TENM4: variants seen among roughly 807,000 people sequenced by gnomAD.
TENM4 encodes teneurin-4.
TENM4 carries 82 observed loss-of-function variants against 243.3 expected under a neutral mutation model. The ratio of observed to expected loss-of-function variants is 0.34; its 90% confidence interval spans 0.28 to 0.40. The LOEUF (loss-of-function observed/expected upper bound fraction) is 0.40. Ranked by LOEUF, TENM4 falls within the 10% of genes least tolerant of loss-of-function variation. The pLI is 1.00. For synonymous variants in TENM4, 1,412 were observed against 1,456.3 expected (o/e 0.97, Z 0.69); for missense variants, 3,138 against 3,673.3 (o/e 0.85, Z 3.77).
At chr11:78,700,153 C>A (rs1057477719) in intron 28 of TENM4, among the ~76,000 whole-genome samples, 3 of 152,174 alleles carry the variant, frequency 2.0e-5, no homozygotes, top group African/African-American at 7.2e-5. Context: ...GAAACTGATG[C>A]TTGATCAAGC....
chr11:78,793,702 T>C (rs1386040059), intron 15 of TENM4, among the ~76,000 whole-genome samples: 1 of 152,226 alleles, frequency 6.6e-6, no homozygotes, highest in Non-Finnish European at 1.5e-5. Flanking sequence ...GGAACACAAA[T>C]ATTAACTCAT....
chr11:78,763,998 G>A (rs746064621), intron 18 of TENM4, among the ~76,000 whole-genome samples: 2 of 148,058 alleles, frequency 1.4e-5, no homozygotes, highest in African/African-American at 2.6e-5. Flanking sequence ...ATGGTGGCCA[G>A]TGACTGGTGG....
At chr11:79,437,758 G>A (rs1859307024) in intron 1 of TENM4, among the ~76,000 whole-genome samples, 1 of 152,182 alleles carries the variant, frequency 6.6e-6, no homozygotes, top group African/African-American at 2.4e-5. Context: ...CTCCCCCTCT[G>A]CGGTCCCCGC....
chr11:78,725,545 T>C (rs1305551451), intron 23 of TENM4, among the ~76,000 whole-genome samples: 1 of 152,232 alleles, frequency 6.6e-6, no homozygotes, highest in Non-Finnish European at 1.5e-5. Context: ...GTTTTGTCTT[T>C]TGCTGTTCCC....
chr11:79,357,620 T>A (rs1024152592), intron 1 of TENM4, among the ~76,000 whole-genome samples: 1 of 152,254 alleles, frequency 6.6e-6, no homozygotes, highest in Non-Finnish European at 1.5e-5. Flanking sequence ...TCTCAAAGCA[T>A]GTTTAAAGGC....
At chr11:79,276,061 G>A (rs1231523503) in intron 2 of TENM4, among the ~76,000 whole-genome samples, 3 of 152,206 alleles carry the variant, frequency 2.0e-5, no homozygotes, top group African/African-American at 7.2e-5. Context: ...AAGAGACCCT[G>A]GAGGGCATCT....
intron 4 of TENM4, among the ~76,000 whole-genome samples, chr11:79,108,620 C>T (rs2137097517): frequency 6.6e-6 from 1 of 152,254 alleles, no homozygotes; most frequent in South Asian, 2.1e-4. Context: ...CCAAAATTAG[C>T]ATCACCGATG....
intron 2 of TENM4, among the ~76,000 whole-genome samples, chr11:79,244,597 T>C (rs1371797682): frequency 6.6e-6 from 1 of 152,180 alleles, no homozygotes; most frequent in Non-Finnish European, 1.5e-5. Flanking sequence ...TCAGTTATAT[T>C]ATGTTGTCGA....
intron 6 of TENM4, among the ~76,000 whole-genome samples, chr11:78,997,308 T>A (rs1422183293): frequency 2.0e-5 from 3 of 152,156 alleles, no homozygotes; most frequent in African/African-American, 7.2e-5. Flanking sequence ...CTCAGGCAAA[T>A]CCCATCAGTC....
At chr11:78,787,160 G>A (rs1856957928) in intron 15 of TENM4, 77 bp from the exon 16 acceptor site, 2 of 1,436,904 alleles carry the variant, frequency 1.4e-6, no homozygotes, top group Non-Finnish European at 1.9e-6. Flanking sequence ...GGGGAGAGAG[G>A]AGAGAGAAAA....
intron 4 of TENM4, among the ~76,000 whole-genome samples, chr11:79,128,919 G>C (rs1861937776): frequency 6.6e-6 from 1 of 152,196 alleles, no homozygotes; most frequent in South Asian, 2.1e-4. Flanking sequence ...GCAGAGGCTT[G>C]CACTGTGAAC....
At chr11:79,123,498 C>T (rs933348487) in intron 4 of TENM4, among the ~76,000 whole-genome samples, 1 of 151,952 alleles carries the variant, frequency 6.6e-6, no homozygotes, top group African/African-American at 2.4e-5. Context: ...CATTAAACTG[C>T]CAAAAGTACA....
At chr11:78,897,141 AC>A (rs999396940) in intron 7 of TENM4, among the ~76,000 whole-genome samples, 4 of 151,496 alleles carry the variant, frequency 2.6e-5, no homozygotes, top group Non-Finnish European at 5.9e-5. Flanking sequence ...CCCAGTAAAA[AC>A]CCTGGAGCTC....
chr11:78,890,824 C>T (rs1039452633), intron 8 of TENM4, among the ~76,000 whole-genome samples: 1 of 152,196 alleles, frequency 6.6e-6, no homozygotes, highest in Non-Finnish European at 1.5e-5. Flanking sequence ...AGGACTTGCA[C>T]ACAGCCTGGG....
chr11:78,803,333 AT>A (rs1565385349), intron 15 of TENM4, among the ~76,000 whole-genome samples: 1 of 152,098 alleles, frequency 6.6e-6, no homozygotes, highest in African/African-American at 2.4e-5. Flanking sequence ...CCAGCCTTTC[AT>A]TTTCTTAAAT....
At chr11:79,056,008 C>G (rs375601577) in intron 6 of TENM4, among the ~76,000 whole-genome samples, 2 of 152,338 alleles carry the variant, frequency 1.3e-5, no homozygotes, top group East Asian at 3.9e-4. Flanking sequence ...CTCCCATAGG[C>G]AGGAAGCTCC....
chr11:79,394,724 C>T (rs891579089), intron 1 of TENM4, among the ~76,000 whole-genome samples: 19 of 152,178 alleles, frequency 1.2e-4, no homozygotes, highest in Non-Finnish European at 2.6e-4. Flanking sequence ...AGGTGTAGTC[C>T]TGATGGAATA....
intron 1 of TENM4, among the ~76,000 whole-genome samples, chr11:79,426,782 T>C (rs1346339725): frequency 6.6e-6 from 1 of 152,024 alleles, no homozygotes; most frequent in African/African-American, 2.4e-5. Context: ...GGAAGATGAG[T>C]TTCGGATGTG....
At chr11:78,736,449 T>A (rs1385267850) in intron 20 of TENM4, among the ~76,000 whole-genome samples, 1 of 27,920 alleles carries the variant, frequency 3.6e-5, no homozygotes. Flanking sequence ...TCAGCAAGTG[T>A]GTGTGTGTGT....
Sources: allele counts gnomAD v4.1 joint callset (sites outside exome capture counted in the v4.1 genomes callset), GRCh38; gene constraint gnomAD v4.1.1; transcripts MANE v1.5; gene names NCBI Gene and HGNC (gene_info 2026-07-23, HGNC 2026-07-21).